The following PDE4B variants were observed in gnomAD, a reference collection of about 807,000 sequenced individuals.
The protein encoded by PDE4B is 3',5'-cyclic-AMP phosphodiesterase 4B.
A neutral mutation model predicts 82.2 loss-of-function variants in PDE4B; 20 were observed. The observed-to-expected ratio is 0.24, with a 90% CI of 0.17 to 0.35. The LOEUF (loss-of-function observed/expected upper bound fraction) is 0.35. Ranked by LOEUF, PDE4B falls within the 10% of genes least tolerant of loss-of-function variation. The probability of loss-of-function intolerance (pLI) is 1.00; values close to 1 mark genes in which losing one functional copy is unlikely to be tolerated. For synonymous variants in PDE4B, 320 were observed against 318.9 expected (o/e 1.00, Z -0.04); for missense variants, 655 against 907.2 (o/e 0.72, Z 3.57).
rs1221733171 is a variant in PDE4B, at chr1:66,201,985, G to C, written c.282-45475G>C. Among the ~76,000 whole-genome samples the C allele has an allele frequency of 2.0e-5, 3 of 152,168 alleles. No individual in the cohort carries two copies. The East Asian group carries it at 5.8e-4, about 29-fold the overall frequency. On this transcript the variant is annotated intron_variant, in intron 3 of 16. Transcript: ENST00000341517. Reference sequence around the variant, plus strand: ...TCCTGCTTTCTCTTGTGGGCATTTAGTGCTATAAATTTCCCTCTACACACT... The same window carrying C: ...TCCTGCTTTCTCTTGTGGGCATTTACTGCTATAAATTTCCCTCTACACACT...
At position 66,178,553 on chromosome 1, in the gene PDE4B, A is replaced by C. The variant is rs543169557; in HGVS notation, c.282-68907A>C. On this transcript the variant is annotated intron_variant, in intron 3 of 16. Transcript: ENST00000341517. Reference sequence around the variant, plus strand: ...AAATTTTAGTTAATGAATATGTTTAAATTTTCTTGTGGTCTTTAAAAACAG... The same window carrying C: ...AAATTTTAGTTAATGAATATGTTTACATTTTCTTGTGGTCTTTAAAAACAG... Among the ~76,000 whole-genome samples the C allele has an allele frequency of 1.4e-4, 21 of 152,258 alleles. No homozygotes were observed. In the East Asian group the frequency reaches 4.0e-3, roughly 29 times the overall value.
chr1:65,803,975 G>T (rs956511933), intron 1 of PDE4B, among the ~76,000 whole-genome samples: 6 of 152,220 alleles, frequency 3.9e-5, no homozygotes, highest in African/African-American at 1.4e-4. Context: ...TTTGAGCCAG[G>T]GAGCAAGGCT....
At chr1:66,054,749 G>T (rs1366377561) in intron 3 of PDE4B, among the ~76,000 whole-genome samples, 2 of 152,088 alleles carry the variant, frequency 1.3e-5, no homozygotes, top group Admixed American at 6.6e-5. Flanking sequence ...TCCCTGATGG[G>T]TCTGAAATAT....
At chr1:66,365,072 C>G (rs918616047) in intron 12 of PDE4B, among the ~76,000 whole-genome samples, 26 of 152,236 alleles carry the variant, frequency 1.7e-4, no homozygotes, top group African/African-American at 5.3e-4. Flanking sequence ...TGAAGGAATT[C>G]AGCAGTGGGG....
chr1:65,928,759 G>T (rs1429223150), intron 3 of PDE4B, among the ~76,000 whole-genome samples: 1 of 152,084 alleles, frequency 6.6e-6, no homozygotes, highest in Non-Finnish European at 1.5e-5. Context: ...TAAGCCTCTG[G>T]ATCCCTTCCT....
At chr1:66,323,723 A>C (rs545904259) in intron 7 of PDE4B, among the ~76,000 whole-genome samples, 2 of 152,178 alleles carry the variant, frequency 1.3e-5, no homozygotes, top group Non-Finnish European at 2.9e-5. Context: ...CATTACACAG[A>C]TGAGGAAACT....
intron 3 of PDE4B, among the ~76,000 whole-genome samples, chr1:66,216,760 C>T (rs549705982): frequency 1.3e-5 from 2 of 152,232 alleles, no homozygotes; most frequent in South Asian, 4.1e-4. Flanking sequence ...AAAAGAGATG[C>T]AGAAACAACT....
At chr1:66,251,025 C>G (rs1447604502) in intron 4 of PDE4B, among the ~76,000 whole-genome samples, 1 of 152,104 alleles carries the variant, frequency 6.6e-6, no homozygotes, top group Non-Finnish European at 1.5e-5. Flanking sequence ...AATTTAAAAC[C>G]TGTTTATTGA....
chr1:66,010,810 T>G (rs1241528048), intron 3 of PDE4B, among the ~76,000 whole-genome samples: 1 of 148,546 alleles, frequency 6.7e-6, no homozygotes, highest in Non-Finnish European at 1.5e-5. Flanking sequence ...GATATTTAGC[T>G]CTATTTCTAT....
chr1:65,988,174 G>T lies in PDE4B; in HGVS notation c.281+69339G>T, dbSNP rs912495538. On this transcript the variant is annotated intron_variant, in intron 3 of 16. Coordinates refer to ENST00000341517, the MANE Select transcript of PDE4B (RefSeq NM_002600.4). ...TGCTTACTGCCATATATGGCACTCA[G>T]TAGGAATGCAAAAAATGTAAGTTAC... 5.9e-5 allele frequency among the ~76,000 whole-genome samples: 9 copies of T among 152,300 alleles called. No homozygotes were observed. The East Asian group carries it at 1.7e-3, about 29-fold the overall frequency.
In PDE4B at chr1:66,374,228, A is replaced by G. The variant is rs1461477062; in HGVS notation, c.*1550A>G. 1.3e-5 allele frequency: 2 copies of G among 152,698 alleles called. No individual in the cohort carries two copies. The highest frequency in any genetic ancestry group is 4.8e-5 in the African/African-American group (2 of 41,474). 9.5% of individuals were successfully genotyped at this position (152,698 alleles called of 1,614,324 possible). A position where few individuals can be genotyped will look rare whatever the true frequency, so the allele number is the denominator to read the frequency against. Reference sequence around the variant, plus strand: ...ATGTTCCAGTTCATTACAAAAGAAAACAATAAAACAATGTGAATTTTTATA... The same window carrying G: ...ATGTTCCAGTTCATTACAAAAGAAAGCAATAAAACAATGTGAATTTTTATA... On this transcript the variant is annotated 3_prime_UTR_variant, in exon 17 of 17. Transcript: ENST00000341517.
chr1:65,807,331 C>A (rs978461301), intron 1 of PDE4B, among the ~76,000 whole-genome samples: 1 of 152,150 alleles, frequency 6.6e-6, no homozygotes, highest in Non-Finnish European at 1.5e-5. Flanking sequence ...GTAAAAAAAT[C>A]GATTTCTCGC....
In PDE4B at chr1:65,918,649, G is replaced by A; in HGVS notation, c.95G>A (p.Ser32Asn). ...CSLSKSYSSS[S>N]NTLGIDLWRG... ...TTGAGTAAATCCTACAGTTCTTCCA[G>A]TAACACACTTGGGATCGACCTCTGG... The change falls in exon 3 of 17, where the codon AGT (serine) becomes AAT (asparagine). Residue 32 changes from serine to asparagine, a missense_variant. This residue lies in a region of PDE4B where 253 missense variants were observed against 275.6 expected (regional missense o/e 0.92). Transcript: ENST00000341517. 5.6e-6 allele frequency: 9 copies of A among 1,613,596 alleles called. No homozygotes were observed. Among genetic ancestry groups the A allele is most frequent in the Non-Finnish European group, 7.6e-6 (9 of 1,179,568 alleles).
rs77014333 is a variant in PDE4B, at chr1:66,277,848, A to T, written c.634+11761A>T. On this transcript the variant is annotated intron_variant, in intron 7 of 16. Coordinates refer to ENST00000341517, the MANE Select transcript of PDE4B (RefSeq NM_002600.4). The stretch of plus-strand genomic sequence containing the variant: ...TGGTTAAGAAGACAGGCTCTGCAGC[A>T]AGACTGCCTGCACTTAGTTCTAGTT... Among the ~76,000 whole-genome samples, 474 of 152,344 alleles carry T rather than the reference A, an allele frequency of 3.1e-3. 1 individual carries two copies. Among genetic ancestry groups the T allele is most frequent in the African/African-American group, 0.011 (452 of 41,582 alleles).
At chr1:66,042,063 A>T (rs1195070804) in intron 3 of PDE4B, among the ~76,000 whole-genome samples, 1 of 151,942 alleles carries the variant, frequency 6.6e-6, no homozygotes, top group Non-Finnish European at 1.5e-5. Context: ...ATTTAATGAG[A>T]CATTTTCAAA....
At chr1:66,160,820 G>C (rs573017700) in intron 3 of PDE4B, among the ~76,000 whole-genome samples, 2 of 152,256 alleles carry the variant, frequency 1.3e-5, no homozygotes, top group East Asian at 3.9e-4. Context: ...TATACTGACT[G>C]TGCCTCTAGG....
chr1:66,028,633 A>G (rs1439919955), intron 3 of PDE4B, among the ~76,000 whole-genome samples: 1 of 152,132 alleles, frequency 6.6e-6, no homozygotes, highest in Non-Finnish European at 1.5e-5. Flanking sequence ...TAACAACACC[A>G]AAGTCACCTC....
At chr1:66,045,231 C>T (rs1654633417) in intron 3 of PDE4B, among the ~76,000 whole-genome samples, 1 of 151,722 alleles carries the variant, frequency 6.6e-6, no homozygotes, top group South Asian at 2.1e-4. Flanking sequence ...TCTTTCCCTT[C>T]ATTTTATTAT....
chr1:65,863,556 G>GCTTGCTAAT (rs986039519), intron 1 of PDE4B, among the ~76,000 whole-genome samples: 2 of 152,048 alleles, frequency 1.3e-5, no homozygotes, highest in African/African-American at 4.8e-5. Context: ...TCCTGAATAT[G>GCTTGCTAAT]CTTGCTAATT....
Sources: allele counts gnomAD v4.1 joint callset (sites outside exome capture counted in the v4.1 genomes callset), GRCh38; gene constraint gnomAD v4.1.1; regional missense constraint gnomAD v4.1.1; transcripts MANE v1.5; gene names NCBI Gene and HGNC (gene_info 2026-07-23, HGNC 2026-07-21).